CCDC146: variants seen among roughly 807,000 people sequenced by gnomAD.
The protein encoded by CCDC146 is coiled-coil domain containing 146.
In CCDC146, 92 loss-of-function variants were observed where a neutral mutation model predicts 119.3. The observed-to-expected ratio is 0.77, with a 90% CI of 0.65 to 0.92. The LOEUF is 0.92. CCDC146 is among the 40% of genes least tolerant of loss of function. The pLI is 0.00. For synonymous variants in CCDC146, 372 were observed against 371.8 expected, an observed-to-expected ratio of 1.00 and a Z score of -0.01; for missense variants, 1,000 against 1,103.0, an observed-to-expected ratio of 0.91 and a Z score of 1.32.
In CCDC146 at chr7:77,199,008, T is replaced by C. The variant is rs533922396; in HGVS notation, c.156+31184T>C. 3.6e-5 allele frequency: 22 copies of C among 616,994 alleles called. No homozygotes were observed. In the African/African-American group the frequency reaches 3.9e-4, roughly 11 times the overall value. 38.2% of individuals were successfully genotyped at this position (616,994 alleles called of 1,614,324 possible). On this transcript the variant is annotated intron_variant, in intron 2 of 18. Transcript: ENST00000285871. ...ACTAACTATGATTTTTGTAATTAGG[T>C]CATATTTATGTGGTCATATTTGAGA... is the stretch of plus-strand genomic sequence containing the variant.
chr7:77,282,642 G>C lies in CCDC146; in HGVS notation c.2005G>C (p.Glu669Gln). ...NIQEKMKLNG[E>Q]IEIHLLEEKI... ...CCAAGAGAAGATGAAACTAAATGGA[G>C]AAATTGAAATACATCTACTGGAAGA... The change falls in exon 15 of 19, where the codon GAA (glutamate) becomes CAA (glutamine). Residue 669 changes from glutamate to glutamine, a missense_variant. Physicochemically the swap from Glu to Gln is conservative, Grantham distance 29. Transcript: ENST00000285871. 1 of 1,612,050 alleles carries C rather than the reference G, an allele frequency of 6.2e-7. No individual in the cohort carries two copies. Among genetic ancestry groups the C allele is most frequent in the Non-Finnish European group, 8.5e-7 (1 of 1,178,120 alleles).
intron 2 of CCDC146, among the ~76,000 whole-genome samples, chr7:77,212,878 T>C (rs1389109077): frequency 1.3e-5 from 2 of 151,836 alleles, no homozygotes; most frequent in African/African-American, 4.8e-5. Flanking sequence ...TGGATTTTGC[T>C]TAATAGTAAG....
At chr7:77,247,995 A>G (rs1792986674) in intron 4 of CCDC146, among the ~76,000 whole-genome samples, 1 of 152,236 alleles carries the variant, frequency 6.6e-6, no homozygotes, top group South Asian at 2.1e-4. Context: ...TGTTTATTGC[A>G]ACACTATTCA....
intron 1 of CCDC146, among the ~76,000 whole-genome samples, chr7:77,128,235 C>A (rs571296715): frequency 4.7e-4 from 71 of 151,956 alleles, no homozygotes; most frequent in Non-Finnish European, 7.2e-4. Flanking sequence ...AGCGGGAGTT[C>A]TCTTTTCTGA....
intron 2 of CCDC146, among the ~76,000 whole-genome samples, chr7:77,170,972 C>G (rs1209585415): frequency 1.3e-5 from 2 of 152,120 alleles, no homozygotes; most frequent in Admixed American, 6.6e-5. Context: ...TTTTTAAAAC[C>G]ATGATTTCCT....
chr7:77,220,163 G>A (rs1042291106), intron 2 of CCDC146, among the ~76,000 whole-genome samples: 3 of 152,156 alleles, frequency 2.0e-5, no homozygotes, highest in Non-Finnish European at 4.4e-5. Flanking sequence ...GACACTCCCA[G>A]AGCAGCCATT....
intron 2 of CCDC146, among the ~76,000 whole-genome samples, chr7:77,212,154 A>T (rs192671716): frequency 6.6e-6 from 1 of 152,242 alleles, no homozygotes; most frequent in Admixed American, 6.5e-5. Flanking sequence ...AAATGCCTAC[A>T]TAAAAAATAC....
intron 4 of CCDC146, among the ~76,000 whole-genome samples, chr7:77,251,665 A>G (rs1451515328): frequency 6.6e-6 from 1 of 152,156 alleles, no homozygotes; most frequent in African/African-American, 2.4e-5. Flanking sequence ...AGCAGAGGTC[A>G]TATGTAATGG....
chr7:77,277,554 T>C (rs914321464), intron 11 of CCDC146, among the ~76,000 whole-genome samples: 11 of 152,228 alleles, frequency 7.2e-5, no homozygotes, highest in African/African-American at 2.7e-4. Context: ...CAATCTTTTA[T>C]GTTCACATTG....
rs11334522 is a variant in CCDC146 at position 77,260,793 on chromosome 7, ATT to A, written c.986+567_986+568del. On this transcript the variant is annotated intron_variant, in intron 8 of 18. Coordinates refer to ENST00000285871, the MANE Select transcript of CCDC146 (RefSeq NM_020879.3). ...ATGTGCGCACCACCACGCCCGGCTA[ATT>A]TTTTTTTTTCTTCTCATTAGAGACA... is the stretch of plus-strand genomic sequence containing the variant. Among the ~76,000 whole-genome samples, 338 of 151,304 alleles carry A rather than the reference ATT, an allele frequency of 2.2e-3. 1 individual carries two copies. The highest frequency in any genetic ancestry group is 7.6e-3 in the African/African-American group (315 of 41,230).
chr7:77,272,357 GA>G (rs893617395), intron 9 of CCDC146, among the ~76,000 whole-genome samples: 1 of 152,222 alleles, frequency 6.6e-6, no homozygotes, highest in African/African-American at 2.4e-5. Context: ...TGAGGGTACA[GA>G]AGGTGCTACT....
At chr7:77,290,295 G>A (rs927203224) in intron 17 of CCDC146, among the ~76,000 whole-genome samples, 1 of 151,806 alleles carries the variant, frequency 6.6e-6, no homozygotes, top group Non-Finnish European at 1.5e-5. Flanking sequence ...GTTAATGGGT[G>A]CAGCACACCA....
intron 3 of CCDC146, among the ~76,000 whole-genome samples, chr7:77,239,822 C>A (rs190377301): frequency 6.6e-6 from 1 of 152,108 alleles, no homozygotes; most frequent in Admixed American, 6.6e-5. Flanking sequence ...CTGGAGATTC[C>A]GCCATGTCCT....
chr7:77,244,349 G>C (rs563141350), intron 4 of CCDC146, among the ~76,000 whole-genome samples: 1 of 152,070 alleles, frequency 6.6e-6, no homozygotes, highest in Admixed American at 6.6e-5. Flanking sequence ...TGTTTATAAG[G>C]TCTACAGTAG....
intron 8 of CCDC146, 25 bp downstream of exon 8, chr7:77,260,261 G>A: frequency 6.6e-7 from 1 of 1,515,256 alleles, no homozygotes; most frequent in Non-Finnish European, 9.0e-7. Flanking sequence ...TGTATGTTAT[G>A]TTCTGTCATC....
chr7:77,251,581 A>G (rs1192392576), intron 4 of CCDC146, among the ~76,000 whole-genome samples: 1 of 152,102 alleles, frequency 6.6e-6, no homozygotes, highest in Non-Finnish European at 1.5e-5. Flanking sequence ...ATTGCTTTAA[A>G]TAGGACTTCA....
At position 77,295,156 on chromosome 7, in the gene CCDC146, A is replaced by G. The variant is rs1398906360; in HGVS notation, c.*290A>G. The G allele has an allele frequency of 2.2e-5, 6 of 276,452 alleles. No individual in the cohort carries two copies. The highest frequency in any genetic ancestry group is 4.1e-5 in the Non-Finnish European group (6 of 145,626). The allele number at this position is 276,452 out of a possible 1,614,324, so 17.1% of individuals were successfully genotyped here. A position where few individuals can be genotyped will look rare whatever the true frequency, so the allele number is the denominator to read the frequency against. ...TGAGTACATTCCAGAAATTTGTAGT[A>G]GGCAAGGTGCTATAAAAATGCACTA... On this transcript the variant is annotated 3_prime_UTR_variant, in exon 19 of 19. Transcript: ENST00000285871.
At chr7:77,161,912 C>T (rs2903905) in intron 1 of CCDC146, among the ~76,000 whole-genome samples, 3 of 152,078 alleles carry the variant, frequency 2.0e-5, no homozygotes, top group South Asian at 2.1e-4. Flanking sequence ...ATGTTGATGA[C>T]CTTTTTATGT....
intron 3 of CCDC146, among the ~76,000 whole-genome samples, chr7:77,237,737 G>C (rs1441524557): frequency 1.3e-5 from 2 of 152,194 alleles, no homozygotes; most frequent in African/African-American, 4.8e-5. Flanking sequence ...AGAAGAACAG[G>C]CTATCATAGA....
Sources: gnomAD v4.1 joint callset for allele counts (sites outside exome capture counted in the v4.1 genomes callset) on GRCh38, gnomAD v4.1.1 for gene constraint, MANE v1.5 for transcripts, NCBI Gene and HGNC (gene_info 2026-07-23, HGNC 2026-07-21) for gene names.